GABRG2: variants seen among roughly 807,000 people sequenced by gnomAD.
GABRG2 encodes gamma-aminobutyric acid receptor subunit gamma-2.
In GABRG2, 16 loss-of-function variants were observed where a neutral mutation model predicts 56.4. The ratio of observed to expected loss-of-function variants is 0.28; its 90% CI spans 0.19 to 0.43. GABRG2 has a LOEUF of 0.43. Ranked by LOEUF, GABRG2 falls within the 20% of genes least tolerant of loss-of-function variation. The probability of loss-of-function intolerance (pLI) is 1.00; values close to 1 mark genes in which losing one functional copy is unlikely to be tolerated. For missense variants in GABRG2, 327 were observed against 582.7 expected (o/e 0.56, Z 4.52); for synonymous variants, 208 against 205.5 (o/e 1.01, Z -0.10).
At chr5:162,092,900 G>T (rs1760712835) in intron 1 of GABRG2, among the ~76,000 whole-genome samples, 1 of 152,108 alleles carries the variant, frequency 6.6e-6, no homozygotes, top group Non-Finnish European at 1.5e-5. Flanking sequence ...GGCAGCTTTT[G>T]CACGGGTGTG....
chr5:162,076,892 G>C (rs1229919617), intron 1 of GABRG2, among the ~76,000 whole-genome samples: 1 of 151,908 alleles, frequency 6.6e-6, no homozygotes, highest in Admixed American at 6.6e-5. Flanking sequence ...CTACAACACT[G>C]CCCAAAATAC....
intron 6 of GABRG2, among the ~76,000 whole-genome samples, chr5:162,122,241 T>C (rs1180941665): frequency 1.3e-5 from 2 of 151,964 alleles, no homozygotes; most frequent in Non-Finnish European, 2.9e-5. Flanking sequence ...TTGCATTGGC[T>C]AAACAGCGAG....
At chr5:162,112,700 C>T (rs1241045283) in intron 6 of GABRG2, among the ~76,000 whole-genome samples, 1 of 152,074 alleles carries the variant, frequency 6.6e-6, no homozygotes, top group Non-Finnish European at 1.5e-5. Flanking sequence ...AAGGCCACAA[C>T]ATTGTGTTGC....
At chr5:162,139,990 T>C (rs1662078466) in intron 6 of GABRG2, among the ~76,000 whole-genome samples, 1 of 152,190 alleles carries the variant, frequency 6.6e-6, no homozygotes, top group Non-Finnish European at 1.5e-5. Flanking sequence ...ATCTTTTTAC[T>C]CTTCAGTCAT....
At position 162,077,111 on chromosome 5, in the gene GABRG2, GA is replaced by G. The variant is rs139128571; in HGVS notation, c.107+9006del. On this transcript the variant is annotated intron_variant, in intron 1 of 9. Transcript: ENST00000639213. ...TGTGTGTGTGTGTGTGTGTGTGTGT[GA>G]TGTTTCTATCACATCAGTATGTTTT... Among the ~76,000 whole-genome samples the G allele has an allele frequency of 8.4e-4, 113 of 134,320 alleles. 2 individuals carry two copies. The highest frequency in any genetic ancestry group is 3.5e-3 in the African/African-American group (109 of 31,470). 88.1% of individuals were successfully genotyped at this position (134,320 alleles called of 152,430 possible).
At chr5:162,073,761 A>G (rs939686555) in intron 1 of GABRG2, among the ~76,000 whole-genome samples, 2 of 151,952 alleles carry the variant, frequency 1.3e-5, no homozygotes, top group African/African-American at 4.8e-5. Context: ...AGTAATAGGG[A>G]TTTTACAGTT....
At chr5:162,129,585 A>G (rs1763577610) in intron 6 of GABRG2, among the ~76,000 whole-genome samples, 1 of 151,986 alleles carries the variant, frequency 6.6e-6, no homozygotes, top group South Asian at 2.1e-4. Flanking sequence ...CATTCAACAA[A>G]TCTATGAGAT....
chr5:162,093,833 C>T lies in GABRG2; in HGVS notation c.113C>T (p.Thr38Ile). ...ACCAATATGTTTTTTCTTAGCTTCA[C>T]TAGCCAGAAATCTGATGATGACTAT... ...LLLLSLYPGF[T>I]SQKSDDDYED... The change falls in exon 2 of 10, where the codon ACT becomes ATT. Residue 38 changes from threonine to isoleucine, a missense_variant. Coordinates refer to ENST00000639213, the MANE Select transcript of GABRG2 (RefSeq NM_198904.4). The T allele has an allele frequency of 6.2e-7, 1 of 1,612,866 alleles. No homozygotes were observed. The highest frequency in any genetic ancestry group is 1.1e-5 in the South Asian group (1 of 91,066).
intron 1 of GABRG2, among the ~76,000 whole-genome samples, chr5:162,077,528 A>G (rs1365727412): frequency 2.0e-5 from 3 of 152,202 alleles, no homozygotes; most frequent in Non-Finnish European, 4.4e-5. Flanking sequence ...GATGTATTTT[A>G]TTATAAGAAA....
intron 6 of GABRG2, among the ~76,000 whole-genome samples, chr5:162,136,809 G>A (rs759520335): frequency 6.6e-6 from 1 of 152,164 alleles, no homozygotes; most frequent in Admixed American, 6.5e-5. Context: ...AAATGTGCCT[G>A]TCAGAAAGTT....
At chr5:162,146,133 GATA>G (rs1764932394) in intron 7 of GABRG2, among the ~76,000 whole-genome samples, 1 of 152,006 alleles carries the variant, frequency 6.6e-6, no homozygotes, top group African/African-American at 2.4e-5. Context: ...GTTCTACCAT[GATA>G]ATATGGAAGA....
intron 6 of GABRG2, among the ~76,000 whole-genome samples, chr5:162,119,259 G>T (rs145642381): frequency 6.6e-6 from 1 of 152,220 alleles, no homozygotes; most frequent in Non-Finnish European, 1.5e-5. Context: ...TCTCTATTCT[G>T]TCTGGGGCTG....
At chr5:162,087,035 C>T (rs1295519450) in intron 1 of GABRG2, among the ~76,000 whole-genome samples, 1 of 151,988 alleles carries the variant, frequency 6.6e-6, no homozygotes, top group Non-Finnish European at 1.5e-5. Context: ...TTCCCTCCAG[C>T]AGTATAGAGT....
At chr5:162,140,539 T>A (rs1208435534) in intron 6 of GABRG2, among the ~76,000 whole-genome samples, 2 of 152,190 alleles carry the variant, frequency 1.3e-5, no homozygotes, top group African/African-American at 4.8e-5. Context: ...GTAGGGCACC[T>A]TATTTTCAAA....
chr5:162,139,604 A>G (rs1042296829), intron 6 of GABRG2, among the ~76,000 whole-genome samples: 2 of 152,222 alleles, frequency 1.3e-5, no homozygotes, highest in African/African-American at 4.8e-5. Context: ...GGATAATTGC[A>G]TTGAGGTAAT....
intron 6 of GABRG2, among the ~76,000 whole-genome samples, chr5:162,129,792 C>A (rs1186754245): frequency 1.8e-4 from 27 of 151,878 alleles, no homozygotes; most frequent in Admixed American, 1.7e-3. Flanking sequence ...AAATTTGATA[C>A]ATATATTACA....
intron 1 of GABRG2, among the ~76,000 whole-genome samples, chr5:162,080,100 G>A (rs948762015): frequency 6.6e-6 from 1 of 152,200 alleles, no homozygotes; most frequent in African/African-American, 2.4e-5. Context: ...ATTCCTTCCC[G>A]CCTACTTCCT....
intron 8 of GABRG2, chr5:162,149,593 T>C: frequency 2.7e-6 from 2 of 746,334 alleles, no homozygotes; most frequent in Non-Finnish European, 4.9e-6. Flanking sequence ...AATGTGACCT[T>C]CTTCTTGTTG....
At chr5:162,080,772 A>G (rs1759592720) in intron 1 of GABRG2, among the ~76,000 whole-genome samples, 1 of 152,136 alleles carries the variant, frequency 6.6e-6, no homozygotes, top group African/African-American at 2.4e-5. Flanking sequence ...CATCAGAGTT[A>G]TATAACGTGT....
Sources: allele counts gnomAD v4.1 joint callset (sites outside exome capture counted in the v4.1 genomes callset), GRCh38; gene constraint gnomAD v4.1.1; transcripts MANE v1.5; gene names NCBI Gene and HGNC (gene_info 2026-07-23, HGNC 2026-07-21).